HTR2B: variants seen among roughly 807,000 people sequenced by gnomAD.
The protein encoded by HTR2B is 5-hydroxytryptamine receptor 2B.
A neutral mutation model predicts 39.8 loss-of-function variants in HTR2B; 31 were observed. That is an observed-to-expected ratio of 0.78 (90% CI 0.58 to 1.05). The LOEUF (loss-of-function observed/expected upper bound fraction) is 1.05. Among genes scored for constraint, HTR2B ranks in the 50% least tolerant of loss-of-function variants. The pLI is 0.00. For missense variants in HTR2B, 562 were observed against 578.0 expected (o/e 0.97, Z 0.28); for synonymous variants, 210 against 207.1 (o/e 1.01, Z -0.12).
At chr2:231,114,115 A>T (rs1337776135) in intron 2 of HTR2B, among the ~76,000 whole-genome samples, 186 bp from the exon 3 acceptor site, 1 of 152,178 alleles carries the variant, frequency 6.6e-6, no homozygotes. Flanking sequence ...GTGGATGGTA[A>T]CTTTTAAATA....
chr2:231,112,369 GT>G (rs1258060377), intron 3 of HTR2B, among the ~76,000 whole-genome samples: 2 of 152,202 alleles, frequency 1.3e-5, no homozygotes, highest in Non-Finnish European at 2.9e-5. Context: ...TTTTCTCACT[GT>G]TTTTAAATCT....
At chr2:231,114,530 C>T (rs534062493) in intron 2 of HTR2B, among the ~76,000 whole-genome samples, 16 of 152,140 alleles carry the variant, frequency 1.1e-4, no homozygotes, top group South Asian at 2.1e-4. Context: ...TCAGATTATC[C>T]GGAAGAAAAG....
intron 2 of HTR2B, among the ~76,000 whole-genome samples, chr2:231,116,110 A>G (rs1483925395): frequency 6.6e-6 from 1 of 152,124 alleles, no homozygotes; most frequent in Non-Finnish European, 1.5e-5. Flanking sequence ...AATCTAATCA[A>G]TTGGATTTTC....
intron 3 of HTR2B, among the ~76,000 whole-genome samples, chr2:231,111,510 ATAT>A (rs1309406876): frequency 3.3e-5 from 5 of 152,218 alleles, no homozygotes; most frequent in South Asian, 2.1e-4. Context: ...TTACCCTGTT[ATAT>A]TATTATACTT....
At chr2:231,124,359 T>A (rs1695664458) in intron 1 of HTR2B, among the ~76,000 whole-genome samples, 1 of 152,222 alleles carries the variant, frequency 6.6e-6, no homozygotes, top group Admixed American at 6.5e-5. Context: ...GACCCTTGAA[T>A]GTCTTTTTAC....
chr2:231,113,495 T>C (rs114106416), intron 3 of HTR2B, among the ~76,000 whole-genome samples: 135 of 152,342 alleles, frequency 8.9e-4, no homozygotes, highest in African/African-American at 3.1e-3. Flanking sequence ...ATAAACACTG[T>C]GCAGATGGTT....
chr2:231,116,605 A>G lies in HTR2B; in HGVS notation c.353-2676T>C, dbSNP rs140482022. 1.4e-3 allele frequency among the ~76,000 whole-genome samples: 211 copies of G among 152,140 alleles called. 2 individuals are homozygous for G. The East Asian group carries it at 0.024, about 17-fold the overall frequency. ...AAGTACGTGTCTTTGGAATTTGACC[A>G]TCTGATCCACATACTCCTAATTGTG... On this transcript the variant is annotated intron_variant, in intron 2 of 3. Transcript: ENST00000258400.
At chr2:231,123,118 A>C (rs1695602842) in intron 2 of HTR2B, among the ~76,000 whole-genome samples, 1 of 152,198 alleles carries the variant, frequency 6.6e-6, no homozygotes, top group Non-Finnish European at 1.5e-5. Context: ...ACTATAATTT[A>C]TAGATAATAT....
intron 1 of HTR2B, among the ~76,000 whole-genome samples, 189 bp from the exon 2 acceptor site, chr2:231,124,319 A>G (rs901341055): frequency 1.3e-5 from 2 of 152,130 alleles, no homozygotes; most frequent in African/African-American, 4.8e-5. Flanking sequence ...AATTTTTTCA[A>G]TGGTTATAAT....
Position 231,118,085 on chromosome 2 carries a change from A to C in HTR2B, c.353-4156T>G, listed in dbSNP as rs893087789. 3.4e-5 allele frequency among the ~76,000 whole-genome samples: 5 copies of C among 149,152 alleles called. No individual in the cohort carries two copies. In the East Asian group the frequency reaches 5.8e-4, roughly 17 times the overall value. ...CTTACTTTGTAATCTTGAACAGATT[A>C]CTTATCCCTCTGCTTCTCTGTCCTC... On this transcript the variant is annotated intron_variant, in intron 2 of 3. Transcript: ENST00000258400.
At chr2:231,124,639 C>T (rs1032807216) in intron 1 of HTR2B, among the ~76,000 whole-genome samples, 3 of 152,248 alleles carry the variant, frequency 2.0e-5, no homozygotes, top group Admixed American at 6.5e-5. Flanking sequence ...AATTTCATCT[C>T]TCATGGTATG....
intron 3 of HTR2B, among the ~76,000 whole-genome samples, chr2:231,110,285 C>A (rs1180771507): frequency 6.6e-6 from 1 of 152,064 alleles, no homozygotes; most frequent in Non-Finnish European, 1.5e-5. Flanking sequence ...ACACCACTGC[C>A]CTCCACGCTC....
chr2:231,108,773 C>T lies in HTR2B; in HGVS notation c.1190G>A (p.Cys397Tyr). Residue 397 changes from cysteine to tyrosine, a missense_variant, in exon 4 of 4, where the codon TGC becomes TAC. By Grantham distance (194) the Cys-to-Tyr change is radical. Coordinates refer to ENST00000258400, the MANE Select transcript of HTR2B (RefSeq NM_000867.5). Reference protein sequence around the residue: ...FRDAFGRYITCNYRATKSVKT... With the variant: ...FRDAFGRYITYNYRATKSVKT... ...TACTGACTTTGTGGCCCGGTAATTGCAGGTGATATATCGGCCAAATGCATC... is the reference window on the plus strand; with the variant it reads ...TACTGACTTTGTGGCCCGGTAATTGTAGGTGATATATCGGCCAAATGCATC... 6.2e-7 allele frequency: 1 copy of T among 1,614,074 alleles called. No homozygotes were observed. Among genetic ancestry groups the T allele is most frequent in the Non-Finnish European group, 8.5e-7 (1 of 1,180,010 alleles).
At chr2:231,121,228 T>C (rs1574749990) in intron 2 of HTR2B, among the ~76,000 whole-genome samples, 1 of 152,280 alleles carries the variant, frequency 6.6e-6, no homozygotes, top group East Asian at 1.9e-4. Flanking sequence ...ATTTTGTAAT[T>C]AGAAATTAAC....
intron 2 of HTR2B, 67 bp downstream of exon 2, chr2:231,123,346 G>C (rs1695610732): frequency 5.5e-6 from 6 of 1,098,860 alleles, no homozygotes; most frequent in Admixed American, 5.1e-5. Flanking sequence ...GATTAAATGA[G>C]TGTCCATTCT....
chr2:231,108,453 G>T lies in HTR2B; in HGVS notation c.*64C>A. 8.6e-7 allele frequency: 1 copy of T among 1,168,574 alleles called. No homozygotes were observed. Among genetic ancestry groups the T allele is most frequent in the Non-Finnish European group, 1.3e-6 (1 of 786,376 alleles). The allele number at this position is 1,168,574 out of a possible 1,614,324, so 72.4% of individuals were successfully genotyped here. A position where few individuals can be genotyped will look rare whatever the true frequency, so the allele number is the denominator to read the frequency against. ...AAAATTCTTTATATAATATATTCTTGGCACATTTACATCTCATTCATCATC... is the reference window on the plus strand; with the variant it reads ...AAAATTCTTTATATAATATATTCTTTGCACATTTACATCTCATTCATCATC... On this transcript the variant is annotated 3_prime_UTR_variant, in exon 4 of 4. Coordinates refer to ENST00000258400, the MANE Select transcript of HTR2B (RefSeq NM_000867.5).
At chr2:231,118,864 C>T (rs769590181) in intron 2 of HTR2B, among the ~76,000 whole-genome samples, 83 of 152,178 alleles carry the variant, frequency 5.5e-4, no homozygotes, top group Non-Finnish European at 1.1e-3. Context: ...GTACTCAGTT[C>T]ATGAACTTAT....
At chr2:231,116,747 A>G (rs145727584) in intron 2 of HTR2B, among the ~76,000 whole-genome samples, 134 of 152,214 alleles carry the variant, frequency 8.8e-4, no homozygotes, top group African/African-American at 2.9e-3. Flanking sequence ...GAATTTTCTT[A>G]TTACAGTTAG....
chr2:231,123,378 G>T, intron 2 of HTR2B, 35 bp downstream of exon 2: 1 of 1,418,722 alleles, frequency 7.0e-7, no homozygotes, highest in Non-Finnish European at 1.0e-6. Flanking sequence ...TCATAGTTCT[G>T]TGGTTTGATG....
Sources: allele counts gnomAD v4.1 joint callset (sites outside exome capture counted in the v4.1 genomes callset), GRCh38; gene constraint gnomAD v4.1.1; transcripts MANE v1.5; gene names NCBI Gene and HGNC (gene_info 2026-07-23, HGNC 2026-07-21).